Variants in AKIRIN1 observed in about 807,000 individuals in gnomAD.
The protein encoded by AKIRIN1 is akirin-1.
Under a neutral mutation model 25.9 loss-of-function variants are expected in AKIRIN1, and 4 were observed. The ratio of observed to expected loss-of-function variants is 0.15; its 90% confidence interval spans 0.08 to 0.35. AKIRIN1 has a LOEUF of 0.35. AKIRIN1 is among the 10% of genes least tolerant of loss of function. The pLI is 1.00. For missense variants in AKIRIN1, 243 were observed against 266.1 expected (o/e 0.91, Z 0.61); for synonymous variants, 125 against 105.1 (o/e 1.19, Z -1.16).
At chr1:38,992,285 A>T (rs534523460) in intron 1 of AKIRIN1, among the ~76,000 whole-genome samples, 1 of 152,326 alleles carries the variant, frequency 6.6e-6, no homozygotes. Context: ...TGTCCTTAAC[A>T]GGGACTCTCC....
At chr1:38,995,046 G>A (rs1643937487) in intron 1 of AKIRIN1, among the ~76,000 whole-genome samples, 1 of 151,898 alleles carries the variant, frequency 6.6e-6, no homozygotes, top group African/African-American at 2.4e-5. Flanking sequence ...GGCCAAGCTG[G>A]TCTCAAACTC....
At chr1:38,999,185 C>T (rs183067316) in intron 2 of AKIRIN1, among the ~76,000 whole-genome samples, 2 of 152,306 alleles carry the variant, frequency 1.3e-5, no homozygotes, top group East Asian at 1.9e-4. Context: ...TGAAATCTGT[C>T]TCCTTTAACA....
chr1:38,997,480 C>G (rs1008606557), intron 1 of AKIRIN1, among the ~76,000 whole-genome samples: 2 of 152,108 alleles, frequency 1.3e-5, no homozygotes, highest in African/African-American at 4.8e-5. Context: ...TCTGCTGCCC[C>G]CTTTCCCAAA....
At chr1:39,003,832 C>T (rs1421399918) in intron 4 of AKIRIN1, among the ~76,000 whole-genome samples, 1 of 152,120 alleles carries the variant, frequency 6.6e-6, no homozygotes, top group Non-Finnish European at 1.5e-5. Flanking sequence ...AAATAATTTG[C>T]AACTACCAGA....
At position 39,005,954 on chromosome 1, in the gene AKIRIN1, T is replaced by G. The variant is rs1644030989; in HGVS notation, c.*1899T>G. Reference sequence around the variant, plus strand: ...CAAATAACTTATGTGAGAGCTGCTATAACCATTTCCCCAGTTCAACATTGC... The same window carrying G: ...CAAATAACTTATGTGAGAGCTGCTAGAACCATTTCCCCAGTTCAACATTGC... On this transcript the variant is annotated 3_prime_UTR_variant, in exon 5 of 5. Transcript: ENST00000432648. 1.3e-5 allele frequency: 2 copies of G among 152,154 alleles called. No individual in the cohort carries two copies. The highest frequency in any genetic ancestry group is 2.9e-5 in the Non-Finnish European group (2 of 68,026). 9.4% of individuals were successfully genotyped at this position (152,154 alleles called of 1,614,324 possible).
Position 38,998,151 on chromosome 1 carries a change from G to T in AKIRIN1, c.221-20G>T. ...ATGAGACAATAAAGTGAAAGCTCAA[G>T]TTTGTTTCTTTTTTATTAGAGCAAA... On this transcript the variant is annotated intron_variant, in intron 1 of 4. Coordinates refer to ENST00000432648, the MANE Select transcript of AKIRIN1 (RefSeq NM_024595.3). The T allele has an allele frequency of 6.3e-7, 1 of 1,599,200 alleles. No individual in the cohort carries two copies. The highest frequency in any genetic ancestry group is 8.5e-7 in the Non-Finnish European group (1 of 1,172,478).
At chr1:38,995,143 A>G (rs1417805065) in intron 1 of AKIRIN1, among the ~76,000 whole-genome samples, 2 of 152,166 alleles carry the variant, frequency 1.3e-5, no homozygotes, top group South Asian at 2.1e-4. Flanking sequence ...GTCTTGATCA[A>G]GTTTGAGCAA....
At chr1:38,998,437 A>G (rs183243859) in intron 2 of AKIRIN1, 126 bp downstream of exon 2, 1 of 1,118,784 alleles carries the variant, frequency 8.9e-7, no homozygotes, top group Admixed American at 3.3e-5. Flanking sequence ...ATATTTACAG[A>G]TATTTTTAAA....
At chr1:38,991,650 T>TG in intron 1 of AKIRIN1, 50 bp downstream of exon 1, 3 of 428,980 alleles carry the variant, frequency 7.0e-6, no homozygotes, top group South Asian at 5.7e-5. Flanking sequence ...CAGGCATTTT[T>TG]TGGGGGGGGT....
chr1:38,992,432 G>A (rs1180862188), intron 1 of AKIRIN1, among the ~76,000 whole-genome samples: 1 of 152,132 alleles, frequency 6.6e-6, no homozygotes, highest in Non-Finnish European at 1.5e-5. Flanking sequence ...TGAGGGGGGC[G>A]TCTCAATAAT....
At chr1:39,003,102 A>C (rs901426303) in intron 3 of AKIRIN1, among the ~76,000 whole-genome samples, 1 of 152,222 alleles carries the variant, frequency 6.6e-6, no homozygotes, top group African/African-American at 2.4e-5. Context: ...AGAGGTTATC[A>C]GGAAAATACC....
At chr1:38,991,816 C>T (rs1269946388) in intron 1 of AKIRIN1, among the ~76,000 whole-genome samples, 2 of 152,206 alleles carry the variant, frequency 1.3e-5, no homozygotes, top group South Asian at 2.1e-4. Flanking sequence ...TTAGGTTTTC[C>T]TGGGGGAGGA....
Position 39,004,207 on chromosome 1 carries a change from AC to A in AKIRIN1, c.*154del. The A allele has an allele frequency of 1.2e-6, 1 of 851,196 alleles. No individual in the cohort carries two copies. Among genetic ancestry groups the A allele is most frequent in the Non-Finnish European group, 2.0e-6 (1 of 498,866 alleles). 52.7% of individuals were successfully genotyped at this position (851,196 alleles called of 1,614,324 possible). ...AGGTCCATTTTATACAACTTGAAAGACCGTAAAACTTTCTGGTTGCCACAAG... is the reference window on the plus strand; with the variant it reads ...AGGTCCATTTTATACAACTTGAAAGACGTAAAACTTTCTGGTTGCCACAAG... On this transcript the variant is annotated 3_prime_UTR_variant, in exon 5 of 5. Coordinates refer to ENST00000432648, the MANE Select transcript of AKIRIN1 (RefSeq NM_024595.3).
intron 4 of AKIRIN1, 43 bp from the exon 5 acceptor site, chr1:39,004,002 T>C (rs761334601): frequency 6.4e-7 from 1 of 1,564,802 alleles, no homozygotes; most frequent in Non-Finnish European, 8.8e-7. Flanking sequence ...CACTACAGTT[T>C]TTAGTATTCT....
intron 1 of AKIRIN1, among the ~76,000 whole-genome samples, chr1:38,993,511 A>G (rs1251260699): frequency 2.0e-5 from 3 of 151,960 alleles, no homozygotes; most frequent in African/African-American, 7.3e-5. Flanking sequence ...TGCACTTGTA[A>G]TCCCAGCTAC....
At chr1:38,993,621 A>C (rs1643925342) in intron 1 of AKIRIN1, among the ~76,000 whole-genome samples, 2 of 139,912 alleles carry the variant, frequency 1.4e-5, no homozygotes, top group Non-Finnish European at 3.2e-5. Flanking sequence ...ACAAGAGCGA[A>C]ACTCCATCTC....
chr1:39,004,400 T>C lies in AKIRIN1; in HGVS notation c.*345T>C. The C allele has an allele frequency of 2.3e-6, 1 of 435,110 alleles. No individual in the cohort carries two copies. Among genetic ancestry groups the C allele is most frequent in the South Asian group, 2.2e-5 (1 of 45,808 alleles). The allele number at this position is 435,110 out of a possible 1,614,324, so 27.0% of individuals were successfully genotyped here. On this transcript the variant is annotated 3_prime_UTR_variant, in exon 5 of 5. Coordinates refer to ENST00000432648, the MANE Select transcript of AKIRIN1 (RefSeq NM_024595.3). Reference sequence around the variant, plus strand: ...TGTAAGAAGTGCGTGTGAGAGTGTGTGTATATGTGTGTATGTGTATTTTAA... The same window carrying C: ...TGTAAGAAGTGCGTGTGAGAGTGTGCGTATATGTGTGTATGTGTATTTTAA...
At chr1:38,998,815 A>G (rs1236030786) in intron 2 of AKIRIN1, among the ~76,000 whole-genome samples, 1 of 151,940 alleles carries the variant, frequency 6.6e-6, no homozygotes, top group African/African-American at 2.4e-5. Flanking sequence ...CTGAGGTTGC[A>G]GTGAGCTGAG....
At chr1:38,991,780 G>A (rs921754283) in intron 1 of AKIRIN1, among the ~76,000 whole-genome samples, 180 bp downstream of exon 1, 1 of 152,206 alleles carries the variant, frequency 6.6e-6, no homozygotes, top group Non-Finnish European at 1.5e-5. Flanking sequence ...GCATCCGGGA[G>A]GGGTAATGGG....
Sources: allele counts gnomAD v4.1 joint callset (sites outside exome capture counted in the v4.1 genomes callset), GRCh38; gene constraint gnomAD v4.1.1; transcripts MANE v1.5; gene names NCBI Gene and HGNC (gene_info 2026-07-23, HGNC 2026-07-21).